Variants in SHTN1 observed in about 807,000 individuals in gnomAD.
The protein encoded by SHTN1 is shootin 1.
A neutral mutation model predicts 83.1 loss-of-function variants in SHTN1; 42 were observed. That is an observed-to-expected ratio of 0.51 (90% CI 0.39 to 0.65). The LOEUF is 0.65. SHTN1 is among the 30% of genes least tolerant of loss of function. The probability of loss-of-function intolerance (pLI) is 0.00; values close to 1 mark genes in which losing one functional copy is unlikely to be tolerated. For missense variants in SHTN1, 622 were observed against 737.8 expected, an observed-to-expected ratio of 0.84 and a Z score of 1.82; for synonymous variants, 224 against 247.7, an observed-to-expected ratio of 0.90 and a Z score of 0.90.
At chr10:117,054,350 C>T (rs1373013213) in intron 1 of SHTN1, among the ~76,000 whole-genome samples, 1 of 151,860 alleles carries the variant, frequency 6.6e-6, no homozygotes, top group Non-Finnish European at 1.5e-5. Flanking sequence ...ATCAATCTTG[C>T]TAAACAGGTC....
chr10:116,968,746 C>A, intron 2 of SHTN1, 34 bp from the exon 3 acceptor site: 1 of 1,549,800 alleles, frequency 6.5e-7, no homozygotes, highest in South Asian at 1.1e-5. Flanking sequence ...TGTTAAACTT[C>A]AATCATAAAT....
chr10:116,924,381 T>C (rs1384072437), intron 11 of SHTN1, among the ~76,000 whole-genome samples: 4 of 140,006 alleles, frequency 2.9e-5, no homozygotes, highest in Non-Finnish European at 6.3e-5. Flanking sequence ...AAGCAGGAAT[T>C]TATCTGTACT....
intron 16 of SHTN1, among the ~76,000 whole-genome samples, chr10:116,888,003 A>G (rs1234778758): frequency 6.6e-6 from 1 of 152,234 alleles, no homozygotes; most frequent in Non-Finnish European, 1.5e-5. Context: ...TCTGACCAGT[A>G]CTGTAAGATC....
At chr10:116,945,061 C>T (rs1436057784) in intron 7 of SHTN1, 43 bp from the exon 8 acceptor site, 1 of 1,148,714 alleles carries the variant, frequency 8.7e-7, no homozygotes, top group Non-Finnish European at 1.3e-6. Flanking sequence ...CAATAAGTCA[C>T]ACAAATAATC....
intron 13 of SHTN1, 112 bp from the exon 14 acceptor site, chr10:116,911,955 T>TC: frequency 2.7e-6 from 2 of 750,376 alleles, no homozygotes; most frequent in Non-Finnish European, 4.6e-6. Flanking sequence ...TATGTATGAC[T>TC]ATATATATTT....
intron 1 of SHTN1, among the ~76,000 whole-genome samples, chr10:116,984,979 TCTC>T (rs1219387392): frequency 3.3e-5 from 5 of 152,174 alleles, no homozygotes; most frequent in Admixed American, 1.3e-4. Context: ...ATCTTCCCTA[TCTC>T]CTCTTTTTCA....
At chr10:116,960,294 C>T (rs1308188475) in intron 3 of SHTN1, 64 bp from the exon 4 acceptor site, 15 of 871,466 alleles carry the variant, frequency 1.7e-5, no homozygotes, top group East Asian at 4.9e-5. Context: ...CAGGAGCCCA[C>T]GCATCGTCCC....
chr10:117,042,805 G>T (rs1589908538), intron 2 of SHTN1, among the ~76,000 whole-genome samples: 1 of 151,836 alleles, frequency 6.6e-6, no homozygotes, highest in African/African-American at 2.4e-5. Flanking sequence ...TAGTAGAGAC[G>T]GGGTTTCACC....
Position 116,883,237 on chromosome 10 carries a change from A to T in SHTN1, c.*3107T>A, listed in dbSNP as rs200496900. 3.9e-5 allele frequency: 6 copies of T among 152,128 alleles called. No individual in the cohort carries two copies. The East Asian group carries it at 1.2e-3, about 29-fold the overall frequency. The allele number at this position is 152,128 out of a possible 1,614,324, so 9.4% of individuals were successfully genotyped here. On this transcript the variant is annotated 3_prime_UTR_variant, in exon 17 of 17. Transcript: ENST00000355371. ...ATTTAAATTTCTTAGGGTGCTAGGCACTCTTTCTACTTATACTTTCTCTCT... is the reference window on the plus strand; with the variant it reads ...ATTTAAATTTCTTAGGGTGCTAGGCTCTCTTTCTACTTATACTTTCTCTCT...
intron 1 of SHTN1, among the ~76,000 whole-genome samples, chr10:117,075,619 A>G (rs949058911): frequency 6.6e-6 from 1 of 152,188 alleles, no homozygotes; most frequent in Non-Finnish European, 1.5e-5. Context: ...GGAGTGGTCA[A>G]GAAGACACCA....
intron 1 of SHTN1, among the ~76,000 whole-genome samples, chr10:117,099,672 G>GT (rs1398433876): frequency 1.3e-5 from 2 of 152,086 alleles, no homozygotes; most frequent in Non-Finnish European, 2.9e-5. Flanking sequence ...AAACATGCTA[G>GT]TTTTTTCAAA....
chr10:117,052,098 T>C (rs1384302330), intron 1 of SHTN1, among the ~76,000 whole-genome samples: 1 of 138,172 alleles, frequency 7.2e-6, no homozygotes, highest in African/African-American at 2.7e-5. Context: ...CATAAAAAAA[T>C]AAACATGTAA....
At chr10:117,073,961 C>T (rs1270958184) in intron 1 of SHTN1, among the ~76,000 whole-genome samples, 1 of 152,112 alleles carries the variant, frequency 6.6e-6, no homozygotes, top group Non-Finnish European at 1.5e-5. Context: ...TGCCTGCAGT[C>T]ATTGCAGAAT....
At chr10:116,995,220 G>T (rs1020485715) in intron 1 of SHTN1, among the ~76,000 whole-genome samples, 4 of 152,182 alleles carry the variant, frequency 2.6e-5, no homozygotes, top group Middle Eastern at 3.4e-3. Flanking sequence ...AAAGTTTTGG[G>T]TCTTCAAGGA....
At chr10:117,018,995 A>G (rs1402167940) in intron 2 of SHTN1, among the ~76,000 whole-genome samples, 1 of 152,148 alleles carries the variant, frequency 6.6e-6, no homozygotes, top group Non-Finnish European at 1.5e-5. Flanking sequence ...AAGTGACATA[A>G]TTATACATAT....
intron 1 of SHTN1, among the ~76,000 whole-genome samples, chr10:117,074,261 T>C (rs974061450): frequency 2.6e-5 from 4 of 152,158 alleles, no homozygotes; most frequent in Non-Finnish European, 4.4e-5. Context: ...ATAAAGCACA[T>C]GTCAAAGCCT....
At chr10:116,916,522 C>G (rs1848389844) in intron 12 of SHTN1, among the ~76,000 whole-genome samples, 1 of 152,222 alleles carries the variant, frequency 6.6e-6, no homozygotes, top group South Asian at 2.1e-4. Flanking sequence ...GCTTTAAATG[C>G]CTACTAATAT....
intron 14 of SHTN1, chr10:116,907,948 A>G: frequency 1.9e-6 from 1 of 514,942 alleles, no homozygotes; most frequent in Non-Finnish European, 3.9e-6. Context: ...TCTACTGGCT[A>G]AAAATGGTTG....
At chr10:117,064,927 T>C (rs570739466) in intron 1 of SHTN1, among the ~76,000 whole-genome samples, 65 of 152,334 alleles carry the variant, frequency 4.3e-4, no homozygotes, top group Middle Eastern at 3.4e-3. Flanking sequence ...GGAGGCTCTC[T>C]GATTCCTTTC....
Sources: gnomAD v4.1 joint callset for allele counts (sites outside exome capture counted in the v4.1 genomes callset) on GRCh38, gnomAD v4.1.1 for gene constraint, MANE v1.5 for transcripts, NCBI Gene and HGNC (gene_info 2026-07-23, HGNC 2026-07-21) for gene names.